Variants in SLC9A9 observed in about 807,000 individuals in gnomAD.
SLC9A9 encodes the protein sodium/hydrogen exchanger 9.
Under a neutral mutation model 77.8 loss-of-function variants are expected in SLC9A9, and 62 were observed. The observed-to-expected ratio is 0.80, with a 90% CI of 0.65 to 0.98. The LOEUF (loss-of-function observed/expected upper bound fraction) is 0.98. SLC9A9 is among the 50% of genes least tolerant of loss of function. The probability of loss-of-function intolerance (pLI) is 0.00; values close to 1 mark genes in which losing one functional copy is unlikely to be tolerated. For synonymous variants in SLC9A9, 320 were observed against 283.5 expected, an observed-to-expected ratio of 1.13 and a Z score of -1.29; for missense variants, 775 against 774.9, an observed-to-expected ratio of 1.00 and a Z score of 0.00.
intron 9 of SLC9A9, among the ~76,000 whole-genome samples, chr3:143,510,961 G>T (rs2036106558): frequency 6.6e-6 from 1 of 152,170 alleles, no homozygotes; most frequent in Admixed American, 6.5e-5. Flanking sequence ...ACTTCTCCAA[G>T]AAATTCCTGT....
chr3:143,681,335 G>A (rs541029673), intron 5 of SLC9A9, among the ~76,000 whole-genome samples: 21 of 152,010 alleles, frequency 1.4e-4, no homozygotes, highest in Non-Finnish European at 2.6e-4. Flanking sequence ...TAACGCTGCC[G>A]CATATTATTA....
At chr3:143,611,368 A>G (rs2038019293) in intron 6 of SLC9A9, among the ~76,000 whole-genome samples, 1 of 152,172 alleles carries the variant, frequency 6.6e-6, no homozygotes, top group Non-Finnish European at 1.5e-5. Context: ...TATCAAAGGA[A>G]TGGCATGAGA....
At chr3:143,374,422 C>CAA (rs34787603) in intron 13 of SLC9A9, among the ~76,000 whole-genome samples, 106 of 67,358 alleles carry the variant, frequency 1.6e-3, no homozygotes, top group Middle Eastern at 0.012. Flanking sequence ...GACTCTGTCT[C>CAA]AAAAAAAAAA....
intron 7 of SLC9A9, among the ~76,000 whole-genome samples, chr3:143,576,790 C>A (rs997711984): frequency 6.6e-6 from 1 of 152,160 alleles, no homozygotes; most frequent in African/African-American, 2.4e-5. Context: ...ATGGAAAACA[C>A]GTCGTAGGCA....
At chr3:143,491,962 T>C (rs928558820) in intron 11 of SLC9A9, among the ~76,000 whole-genome samples, 1 of 152,136 alleles carries the variant, frequency 6.6e-6, no homozygotes, top group Admixed American at 6.5e-5. Context: ...AAAAGTCAAC[T>C]CATTGCCAAA....
intron 14 of SLC9A9, chr3:143,347,068 CA>C (rs2032302003): frequency 6.6e-6 from 1 of 152,144 alleles, no homozygotes; most frequent in Non-Finnish European, 1.5e-5. Context: ...AAGCATCTAA[CA>C]ATTCAACGAT....
At chr3:143,287,345 C>T (rs1459483844) in intron 14 of SLC9A9, among the ~76,000 whole-genome samples, 2 of 151,874 alleles carry the variant, frequency 1.3e-5, no homozygotes, top group African/African-American at 4.8e-5. Context: ...TTTGATGACT[C>T]GAAATAGTCT....
chr3:143,333,075 C>T (rs1041583904), intron 14 of SLC9A9, among the ~76,000 whole-genome samples: 2 of 152,112 alleles, frequency 1.3e-5, no homozygotes, highest in Non-Finnish European at 2.9e-5. Flanking sequence ...GAATGTTTCT[C>T]TCTGGTTCAA....
intron 5 of SLC9A9, among the ~76,000 whole-genome samples, chr3:143,662,167 A>G (rs2038988756): frequency 1.3e-5 from 2 of 152,202 alleles, no homozygotes; most frequent in South Asian, 4.1e-4. Flanking sequence ...AGAAAAAGAA[A>G]CCAGTTTCAG....
intron 4 of SLC9A9, among the ~76,000 whole-genome samples, chr3:143,743,205 A>ATG (rs1935116019): frequency 7.1e-6 from 1 of 139,976 alleles, no homozygotes; most frequent in Admixed American, 7.2e-5. Context: ...ATAGATGGAT[A>ATG]GATGGATGGA....
chr3:143,804,620 A>T (rs1240856050), intron 2 of SLC9A9, among the ~76,000 whole-genome samples: 1 of 152,168 alleles, frequency 6.6e-6, no homozygotes, highest in Admixed American at 6.5e-5. Flanking sequence ...CTACCTGCTA[A>T]CTGGACAGGC....
At chr3:143,665,723 A>G (rs1377703787) in intron 5 of SLC9A9, among the ~76,000 whole-genome samples, 1 of 152,250 alleles carries the variant, frequency 6.6e-6, no homozygotes, top group African/African-American at 2.4e-5. Context: ...AATAAACTAG[A>G]AAATTTAGAA....
At chr3:143,292,352 C>A (rs895688181) in intron 14 of SLC9A9, among the ~76,000 whole-genome samples, 2 of 152,174 alleles carry the variant, frequency 1.3e-5, no homozygotes, top group African/African-American at 4.8e-5. Context: ...TTCTGAACTA[C>A]AGATAACAGC....
chr3:143,691,547 T>C (rs1034369276), intron 5 of SLC9A9, among the ~76,000 whole-genome samples: 8 of 152,160 alleles, frequency 5.3e-5, no homozygotes, highest in Non-Finnish European at 1.2e-4. Context: ...AGTACTATTA[T>C]GTAATTGTTG....
chr3:143,419,042 AT>A (rs1165715140), intron 12 of SLC9A9, among the ~76,000 whole-genome samples: 1 of 152,120 alleles, frequency 6.6e-6, no homozygotes, highest in Non-Finnish European at 1.5e-5. Flanking sequence ...TTGATACTAC[AT>A]GTGTAAATTA....
intron 9 of SLC9A9, among the ~76,000 whole-genome samples, chr3:143,534,545 T>A (rs539876896): frequency 6.6e-6 from 1 of 152,046 alleles, no homozygotes; most frequent in South Asian, 2.1e-4. Context: ...ATGGTGGGAT[T>A]TTTTTTTAGC....
intron 5 of SLC9A9, among the ~76,000 whole-genome samples, chr3:143,687,064 A>C (rs1371424999): frequency 6.6e-6 from 1 of 152,030 alleles, no homozygotes; most frequent in African/African-American, 2.4e-5. Flanking sequence ...TTCCATCATC[A>C]GCAAGATCTT....
intron 11 of SLC9A9, among the ~76,000 whole-genome samples, chr3:143,492,241 G>T (rs998074165): frequency 2.7e-5 from 4 of 146,028 alleles, no homozygotes; most frequent in South Asian, 2.2e-4. Context: ...GCAGTGAGCC[G>T]AGATCACACC....
intron 5 of SLC9A9, among the ~76,000 whole-genome samples, chr3:143,689,501 T>A (rs1306093884): frequency 6.6e-6 from 1 of 152,130 alleles, no homozygotes; most frequent in East Asian, 1.9e-4. Context: ...TGGGCTCAAG[T>A]GATCCTCCCA....
Sources: allele counts gnomAD v4.1 joint callset (sites outside exome capture counted in the v4.1 genomes callset), GRCh38; gene constraint gnomAD v4.1.1; transcripts MANE v1.5; gene names NCBI Gene and HGNC (gene_info 2026-07-23, HGNC 2026-07-21).